Variants in HGD observed in about 807,000 individuals in gnomAD.
The protein encoded by HGD is homogentisate oxidase.
In HGD, 61 loss-of-function variants were observed where a neutral mutation model predicts 60.8. The ratio of observed to expected loss-of-function variants is 1.00; its 90% CI spans 0.82 to 1.24. The LOEUF (loss-of-function observed/expected upper bound fraction) is 1.24. Among genes scored for constraint, HGD ranks in the 50% most tolerant of loss-of-function variants. The pLI is 0.00. For synonymous variants in HGD, 212 were observed against 187.7 expected (o/e 1.13, Z -1.06); for missense variants, 542 against 547.1 (o/e 0.99, Z 0.09).
At chr3:120,665,852 A>C (rs149235788) in intron 4 of HGD, among the ~76,000 whole-genome samples, 6 of 152,336 alleles carry the variant, frequency 3.9e-5, no homozygotes, top group African/African-American at 1.4e-4. Flanking sequence ...GGTCTATGAC[A>C]GGTGAAGACA....
chr3:120,670,248 C>A, intron 4 of HGD, 179 bp downstream of exon 4: 2 of 623,104 alleles, frequency 3.2e-6, no homozygotes, highest in African/African-American at 1.8e-5. Flanking sequence ...TTCATAGCAG[C>A]ATGAGAATGG....
intron 3 of HGD, among the ~76,000 whole-genome samples, chr3:120,672,687 C>T (rs1170606064): frequency 6.6e-6 from 1 of 152,160 alleles, no homozygotes; most frequent in Non-Finnish European, 1.5e-5. Context: ...CCTGTGTGAT[C>T]CTGGGAGAGT....
chr3:120,641,840 C>A (rs781567559), intron 10 of HGD, 147 bp from the exon 11 acceptor site: 4 of 688,018 alleles, frequency 5.8e-6, no homozygotes, highest in Admixed American at 2.1e-5. Flanking sequence ...AGAAGTATAA[C>A]CCTGAATCAT....
chr3:120,678,070 C>T (rs1020591350), intron 1 of HGD: 1 of 152,148 alleles, frequency 6.6e-6, no homozygotes, highest in African/African-American at 2.4e-5. Context: ...TTTTTGCCTT[C>T]AGACTCAATA....
At chr3:120,670,044 C>T (rs1249241870) in intron 4 of HGD, among the ~76,000 whole-genome samples, 1 of 152,098 alleles carries the variant, frequency 6.6e-6, no homozygotes, top group Non-Finnish European at 1.5e-5. Context: ...TGAGTTCTCA[C>T]AAGATATGAT....
intron 12 of HGD, among the ~76,000 whole-genome samples, chr3:120,635,215 C>T (rs935385576): frequency 1.5e-4 from 23 of 152,116 alleles, no homozygotes; most frequent in Admixed American, 3.9e-4. Flanking sequence ...CAGTGGCTCA[C>T]GCCTGTAATC....
intron 8 of HGD, 83 bp downstream of exon 8, chr3:120,646,890 G>C: frequency 1.8e-6 from 2 of 1,098,234 alleles, no homozygotes; most frequent in Non-Finnish European, 2.8e-6. Flanking sequence ...AGAAATTTTA[G>C]AGTTGGAAAT....
At chr3:120,654,073 G>A (rs1273554363) in intron 4 of HGD, among the ~76,000 whole-genome samples, 1 of 152,154 alleles carries the variant, frequency 6.6e-6, no homozygotes, top group Non-Finnish European at 1.5e-5. Flanking sequence ...GGATTTTTTA[G>A]GGGAAGTTCT....
At chr3:120,652,753 C>T in intron 4 of HGD, 102 bp from the exon 5 acceptor site, 2 of 778,910 alleles carry the variant, frequency 2.6e-6, no homozygotes, top group Admixed American at 4.0e-5. Flanking sequence ...GGACAGCTAC[C>T]CCCTCTGTGA....
intron 1 of HGD, among the ~76,000 whole-genome samples, chr3:120,678,250 T>G (rs1708169100): frequency 6.6e-6 from 1 of 152,206 alleles, no homozygotes; most frequent in Non-Finnish European, 1.5e-5. Flanking sequence ...AACCCCATGC[T>G]CACCATCAAC....
rs964722153 is a variant in HGD, at chr3:120,656,565, G to GA, written c.283-3915_283-3914insT. On this transcript the variant is annotated intron_variant, in intron 4 of 13. Transcript: ENST00000283871. Reference sequence around the variant, plus strand: ...GTAAATTTTTGAGATCTTTTTTTTGGGGGGGGGTTGGAGTCGCGCTCTGTT... The same window carrying GA: ...GTAAATTTTTGAGATCTTTTTTTTGGAGGGGGGGTTGGAGTCGCGCTCTGTT... Among the ~76,000 whole-genome samples, 21 of 150,694 alleles carry GA rather than the reference G, an allele frequency of 1.4e-4. No homozygotes were observed. In the East Asian group the frequency reaches 2.2e-3, roughly 15 times the overall value.
intron 1 of HGD, among the ~76,000 whole-genome samples, chr3:120,677,005 T>C (rs1442402273): frequency 2.6e-5 from 4 of 152,232 alleles, no homozygotes; most frequent in African/African-American, 9.7e-5. Flanking sequence ...CTGCAATCTC[T>C]AAACATAAAT....
chr3:120,680,841 C>T (rs367934401), intron 1 of HGD, among the ~76,000 whole-genome samples: 1 of 152,204 alleles, frequency 6.6e-6, no homozygotes, highest in African/African-American at 2.4e-5. Flanking sequence ...CTCCAGACCC[C>T]GTCCTTCCTC....
intron 13 of HGD, among the ~76,000 whole-genome samples, chr3:120,629,700 C>T (rs1397241949): frequency 3.3e-5 from 5 of 152,186 alleles, no homozygotes; most frequent in African/African-American, 1.2e-4. Flanking sequence ...TGGAAGCATT[C>T]CCTTTGAAAA....
chr3:120,673,895 C>A (rs545085794), intron 3 of HGD, among the ~76,000 whole-genome samples: 1 of 152,114 alleles, frequency 6.6e-6, no homozygotes, highest in Non-Finnish European at 1.5e-5. Context: ...CTTTGTTTTA[C>A]GAATGAAGAA....
intron 13 of HGD, among the ~76,000 whole-genome samples, chr3:120,629,402 G>A (rs1156724887): frequency 6.6e-6 from 1 of 152,160 alleles, no homozygotes; most frequent in Admixed American, 6.5e-5. Flanking sequence ...CCACATTAAT[G>A]TTTGGGCTCT....
chr3:120,655,423 G>A (rs556485266), intron 4 of HGD, among the ~76,000 whole-genome samples: 2 of 152,334 alleles, frequency 1.3e-5, no homozygotes, highest in South Asian at 4.1e-4. Context: ...AAATGACAGA[G>A]ATAGTATAGG....
chr3:120,659,189 C>T (rs1401644043), intron 4 of HGD, among the ~76,000 whole-genome samples: 2 of 152,222 alleles, frequency 1.3e-5, no homozygotes, highest in Non-Finnish European at 2.9e-5. Context: ...TGCAAAATTT[C>T]CTAACTTTTA....
rs1312245511 is a variant in HGD, at chr3:120,628,549, G to C, written c.1189-20C>G. 3 of 1,613,224 alleles carry C rather than the reference G, an allele frequency of 1.9e-6. No individual in the cohort carries two copies. Among genetic ancestry groups the C allele is most frequent in the Non-Finnish European group, 2.5e-6 (3 of 1,179,520 alleles). ...AAATGCCTGGAGGAAGTGACGATGG[G>C]GATGAGAAAAAAGAGGTGAGATAGA... On this transcript the variant is annotated intron_variant, in intron 13 of 13. Transcript: ENST00000283871.
Sources: gnomAD v4.1 joint callset for allele counts (sites outside exome capture counted in the v4.1 genomes callset) on GRCh38, gnomAD v4.1.1 for gene constraint, MANE v1.5 for transcripts, NCBI Gene and HGNC (gene_info 2026-07-23, HGNC 2026-07-21) for gene names.